Variants in TBL1X observed in about 807,000 individuals in gnomAD.
The protein encoded by TBL1X is transducin beta like 1 X-linked.
TBL1X carries 10 observed loss-of-function variants against 50.7 expected under a neutral mutation model. That is an observed-to-expected ratio of 0.20 (90% CI 0.12 to 0.33). The LOEUF (loss-of-function observed/expected upper bound fraction) is 0.33. TBL1X is among the 10% of genes least tolerant of loss of function. The pLI is 1.00. For missense variants in TBL1X, 340 were observed against 504.4 expected (o/e 0.67, Z 3.12); for synonymous variants, 190 against 214.7 (o/e 0.88, Z 1.01).
chrX:9,577,979 A>C (rs1220002677), intron 2 of TBL1X, among the ~76,000 whole-genome samples: 1 of 112,344 alleles, frequency 8.9e-6, no homozygotes, highest in Non-Finnish European at 1.9e-5. Flanking sequence ...GAGAAACAGA[A>C]AACTCCTCTT....
chrX:9,688,222 C>T lies in TBL1X; in HGVS notation c.563C>T (p.Ser188Leu), dbSNP rs779431151. ...GCCGGCGTTTCCCACCAAAATCCAT[C>T]GAAGAACAGAGAGGCCACGGTGAAT... Reference protein sequence around the residue: ...TSAGVSHQNPSKNREATVNGE... With the variant: ...TSAGVSHQNPLKNREATVNGE... The change falls in exon 7 of 18, where the codon TCG (serine) becomes TTG (leucine). Residue 188 changes from serine to leucine, a missense_variant. Ser to Leu is a moderately radical substitution (Grantham distance 145). Coordinates refer to ENST00000645353, the MANE Select transcript of TBL1X (RefSeq NM_005647.4). 6.7e-6 allele frequency: 8 copies of T among 1,198,242 alleles called. No homozygotes were observed. In the East Asian group the frequency reaches 1.5e-4, roughly 23 times the overall value.
intron 5 of TBL1X, among the ~76,000 whole-genome samples, chrX:9,675,203 G>A (rs2082986055): frequency 8.9e-6 from 1 of 111,841 alleles, no homozygotes; most frequent in Non-Finnish European, 1.9e-5. Flanking sequence ...ATTTGAACCA[G>A]AAGTTTTTAG....
intron 2 of TBL1X, among the ~76,000 whole-genome samples, chrX:9,517,094 G>A (rs1262501497): frequency 9.0e-6 from 1 of 111,484 alleles, no homozygotes; most frequent in Non-Finnish European, 1.9e-5. Flanking sequence ...AACCACCCAG[G>A]GTGGGTAATG....
intron 16 of TBL1X, among the ~76,000 whole-genome samples, chrX:9,712,630 C>G (rs904487087): frequency 5.3e-5 from 6 of 112,346 alleles, no homozygotes; most frequent in Non-Finnish European, 1.1e-4. Flanking sequence ...AGCCACCGTG[C>G]CTAGCCTCAA....
chrX:9,608,332 A>C (rs976052684), intron 2 of TBL1X, among the ~76,000 whole-genome samples: 3 of 111,956 alleles, frequency 2.7e-5, no homozygotes, highest in African/African-American at 9.8e-5. Flanking sequence ...GTATTCTTTC[A>C]AAATCCCCAC....
rs1555908751 is a variant in TBL1X at position 9,684,614 on chromosome X, A to AAAAAAAAAAG, written c.357+428_357+429insAAAAAAAGAA. Among the ~76,000 whole-genome samples the AAAAAAAAAAG allele has an allele frequency of 7.5e-5, 8 of 106,247 alleles. No homozygotes were observed. In the East Asian group the frequency reaches 2.1e-3, roughly 27 times the overall value. The allele number at this position is 106,247 out of a possible 115,157, so 92.3% of individuals were successfully genotyped here. On this transcript the variant is annotated intron_variant, in intron 6 of 17. Coordinates refer to ENST00000645353, the MANE Select transcript of TBL1X (RefSeq NM_005647.4). ...CTCTAAAATTAAAAAAAAAAAAAAA[A>AAAAAAAAAAG]AAGGAAGAAGAAGAAAGTAAGTTGG... is the stretch of plus-strand genomic sequence containing the variant.
chrX:9,697,253 T>C lies in TBL1X; in HGVS notation c.1054-116T>C, dbSNP rs903988622. 5.2e-6 allele frequency: 5 copies of C among 960,236 alleles called. No individual in the cohort carries two copies. The African/African-American group carries it at 9.7e-5, about 19-fold the overall frequency. The allele number at this position is 960,236 out of a possible 1,213,427, so 79.1% of individuals were successfully genotyped here. On this transcript the variant is annotated intron_variant, in intron 11 of 17. Transcript: ENST00000645353. ...GCCCATAAGGCTCACTCTCTATCTC[T>C]ATTGGACAGTGCCGGTTTATAAGGA...
intron 2 of TBL1X, among the ~76,000 whole-genome samples, chrX:9,548,081 C>T (rs1034404608): frequency 1.8e-5 from 2 of 108,493 alleles, no homozygotes; most frequent in South Asian, 4.2e-4. Context: ...CCTTGAGATT[C>T]TCTTGTCGTT....
At chrX:9,553,144 GAA>G (rs934364940) in intron 2 of TBL1X, among the ~76,000 whole-genome samples, 1 of 107,716 alleles carries the variant, frequency 9.3e-6, no homozygotes, top group African/African-American at 3.4e-5. Context: ...CACTGTCCCA[GAA>G]AAAAAAACAA....
At chrX:9,558,977 C>T (rs1201928757) in intron 2 of TBL1X, among the ~76,000 whole-genome samples, 1 of 112,053 alleles carries the variant, frequency 8.9e-6, no homozygotes, top group African/African-American at 3.2e-5. Context: ...CTGAGGATAG[C>T]GTTGTATGTA....
At chrX:9,671,365 C>T (rs1050229145) in intron 5 of TBL1X, among the ~76,000 whole-genome samples, 1 of 112,620 alleles carries the variant, frequency 8.9e-6, no homozygotes, top group Non-Finnish European at 1.9e-5. Flanking sequence ...TCACCTGAAC[C>T]TTGGCGCTCA....
chrX:9,471,495 T>A (rs769992207), intron 1 of TBL1X, among the ~76,000 whole-genome samples: 4 of 112,612 alleles, frequency 3.6e-5, no homozygotes, highest in African/African-American at 1.3e-4. Context: ...GGTTTTATGT[T>A]AACTAAACAT....
At chrX:9,683,200 C>T (rs951774348) in intron 5 of TBL1X, among the ~76,000 whole-genome samples, 1 of 112,030 alleles carries the variant, frequency 8.9e-6, no homozygotes, top group African/African-American at 3.2e-5. Context: ...CAGACCTCCA[C>T]ATAGATGCCC....
At chrX:9,475,729 G>A (rs1026965244) in intron 1 of TBL1X, among the ~76,000 whole-genome samples, 1 of 111,251 alleles carries the variant, frequency 9.0e-6, no homozygotes, top group Non-Finnish European at 1.9e-5. Flanking sequence ...TGAAGGTTTG[G>A]TTTTCATGAG....
intron 11 of TBL1X, among the ~76,000 whole-genome samples, chrX:9,696,401 A>G (rs1468171651): frequency 8.9e-6 from 1 of 112,897 alleles, no homozygotes; most frequent in African/African-American, 3.2e-5. Flanking sequence ...CAAAATCTTG[A>G]CTGAGCGTCA....
intron 2 of TBL1X, among the ~76,000 whole-genome samples, chrX:9,517,090 C>T (rs1348850281): frequency 1.8e-5 from 2 of 111,125 alleles, no homozygotes; most frequent in Non-Finnish European, 3.8e-5. Context: ...AAGGAACCAC[C>T]CAGGGTGGGT....
At chrX:9,676,648 C>T (rs2082996311) in intron 5 of TBL1X, among the ~76,000 whole-genome samples, 1 of 111,921 alleles carries the variant, frequency 8.9e-6, no homozygotes, top group African/African-American at 3.3e-5. Context: ...TCATCTCAAA[C>T]AGGTCTGCAG....
chrX:9,556,204 A>C (rs202038175), intron 2 of TBL1X, among the ~76,000 whole-genome samples: 34 of 27,400 alleles, frequency 1.2e-3, no homozygotes, highest in South Asian at 9.2e-3. Flanking sequence ...AAAAAACAAA[A>C]CAAAACAAAA....
chrX:9,613,756 C>T (rs1488011525), intron 2 of TBL1X, among the ~76,000 whole-genome samples: 1 of 110,412 alleles, frequency 9.1e-6, no homozygotes, highest in Non-Finnish European at 1.9e-5. Context: ...CAGGCCTTGG[C>T]GGGCGGATCA....
Sources: allele counts gnomAD v4.1 joint callset (sites outside exome capture counted in the v4.1 genomes callset), GRCh38; gene constraint gnomAD v4.1.1; transcripts MANE v1.5; gene names NCBI Gene and HGNC (gene_info 2026-07-23, HGNC 2026-07-21).